The following PIEZO1 variants were observed in gnomAD, a reference collection of about 807,000 sequenced individuals.
PIEZO1 encodes piezo type mechanosensitive ion channel component 1 (Er blood group), also known as piezo-type mechanosensitive ion channel component 1.
A neutral mutation model predicts 297.2 loss-of-function variants in PIEZO1; 296 were observed. That is an observed-to-expected ratio of 1.00 (90% CI 0.91 to 1.10). PIEZO1 has a LOEUF of 1.10. Ranked by LOEUF, PIEZO1 falls within the 50% of genes least tolerant of loss-of-function variation. The probability of loss-of-function intolerance (pLI) is 0.00; values close to 1 mark genes in which losing one functional copy is unlikely to be tolerated. For synonymous variants in PIEZO1, 2,427 were observed against 1,507.5 expected (o/e 1.61, Z -14.13); for missense variants, 5,018 against 3,455.5 (o/e 1.45, Z -11.34).
chr16:88,768,147 G>A (rs1402912429), intron 1 of PIEZO1, among the ~76,000 whole-genome samples: 4 of 152,166 alleles, frequency 2.6e-5, no homozygotes, highest in East Asian at 1.9e-4. Flanking sequence ...CCAACCTCAC[G>A]GGCCCAACCT....
At position 88,715,362 on chromosome 16, in the gene PIEZO1, A is replaced by C; in HGVS notation, c.*243T>G. ...CTCTGATTGTCCATTTGTATAAATA[A>C]AACATTTTTTAATTAAAAAAAAAAC... On this transcript the variant is annotated 3_prime_UTR_variant, in exon 51 of 51. Coordinates refer to ENST00000301015, the MANE Select transcript of PIEZO1 (RefSeq NM_001142864.4). 2 of 1,237,954 alleles carry C rather than the reference A, an allele frequency of 1.6e-6. No homozygotes were observed. Among genetic ancestry groups the C allele is most frequent in the Non-Finnish European group, 2.2e-6 (2 of 904,662 alleles). 76.7% of individuals were successfully genotyped at this position (1,237,954 alleles called of 1,614,324 possible). A position where few individuals can be genotyped will look rare whatever the true frequency, so the allele number is the denominator to read the frequency against.
chr16:88,749,047 C>T (rs941341576), intron 2 of PIEZO1, among the ~76,000 whole-genome samples: 10 of 150,708 alleles, frequency 6.6e-5, no homozygotes, highest in African/African-American at 4.9e-5. Flanking sequence ...ACCATCCTGG[C>T]TATCACGGTG....
In PIEZO1 at chr16:88,732,571, T is replaced by C. The variant is rs1904933602; in HGVS notation, c.2790+36A>G. On this transcript the variant is annotated intron_variant, in intron 20 of 50. Coordinates refer to ENST00000301015, the MANE Select transcript of PIEZO1 (RefSeq NM_001142864.4). ...CAAGGGTCAGGGGGCAGCCGGGTACTCGCCCGCCCAGCCGCCCACCAGCCC... is the reference window on the plus strand; with the variant it reads ...CAAGGGTCAGGGGGCAGCCGGGTACCCGCCCGCCCAGCCGCCCACCAGCCC... 4 of 1,543,044 alleles carry C rather than the reference T, an allele frequency of 2.6e-6. No individual in the cohort carries two copies. The South Asian group carries it at 4.8e-5, about 18-fold the overall frequency.
At chr16:88,731,270 C>T in intron 22 of PIEZO1, 1 of 204,162 alleles carries the variant, frequency 4.9e-6, no homozygotes, top group Non-Finnish European at 1.0e-5. Flanking sequence ...ATGCAGAGGA[C>T]ACGTTTGACG....
At chr16:88,776,396 T>C (rs1444756343) in intron 1 of PIEZO1, among the ~76,000 whole-genome samples, 1 of 151,566 alleles carries the variant, frequency 6.6e-6, no homozygotes, top group East Asian at 1.9e-4. Flanking sequence ...ACTGGGCCAC[T>C]GCACTCCAGC....
intron 1 of PIEZO1, among the ~76,000 whole-genome samples, chr16:88,767,077 C>G (rs1907212986): frequency 6.6e-6 from 1 of 152,258 alleles, no homozygotes; most frequent in Non-Finnish European, 1.5e-5. Flanking sequence ...GCTTTCCCAT[C>G]AGCTTCTCCG....
rs1905209483 is a variant in PIEZO1, at chr16:88,736,289, C to G, written c.1416G>C (p.Leu472=). 1 of 1,550,112 alleles carries G rather than the reference C, an allele frequency of 6.5e-7. No individual in the cohort carries two copies. The highest frequency in any genetic ancestry group is 2.4e-5 in the East Asian group (1 of 40,928). Residue 472 remains leucine (L), a synonymous_variant, in exon 12 of 51, where the codon CTG becomes CTC. Transcript: ENST00000301015. ...GTAGGCAGCACAGCGTCATCCCATACAGCAGGATGCAGGGCGAGCACAGCA... is the reference window on the plus strand; with the variant it reads ...GTAGGCAGCACAGCGTCATCCCATAGAGCAGGATGCAGGGCGAGCACAGCA... ...LAMLCSPCIL[L]YGMTLCCLRY...
chr16:88,720,974 C>T (rs1912395163), intron 39 of PIEZO1, among the ~76,000 whole-genome samples, 192 bp downstream of exon 39: 1 of 152,144 alleles, frequency 6.6e-6, no homozygotes, highest in African/African-American at 2.4e-5. Flanking sequence ...ACGTGGGGAG[C>T]ATCCCCGGGG....
chr16:88,756,867 G>A (rs1055743190), intron 1 of PIEZO1, among the ~76,000 whole-genome samples: 2 of 152,124 alleles, frequency 1.3e-5, no homozygotes, highest in Non-Finnish European at 1.5e-5. Context: ...AGAAGGTCAG[G>A]AGATCGAGAC....
rs1394250891 is a variant in PIEZO1 at position 88,741,314 on chromosome 16, G to C, written c.465+164C>G. On this transcript the variant is annotated intron_variant, in intron 5 of 50. Coordinates refer to ENST00000301015, the MANE Select transcript of PIEZO1 (RefSeq NM_001142864.4). ...CAGGTCTGAACGGATGGAACTGCAG[G>C]CTGGGCCCCGGGGTGGGATTTGGAA... The C allele has an allele frequency of 1.3e-5, 8 of 637,776 alleles. No homozygotes were observed. In the South Asian group the frequency reaches 1.6e-4, roughly 13 times the overall value. The allele number at this position is 637,776 out of a possible 1,614,324, so 39.5% of individuals were successfully genotyped here. A position where few individuals can be genotyped will look rare whatever the true frequency, so the allele number is the denominator to read the frequency against.
At chr16:88,748,445 G>A (rs1184492154) in intron 2 of PIEZO1, among the ~76,000 whole-genome samples, 1 of 67,374 alleles carries the variant, frequency 1.5e-5, no homozygotes, top group African/African-American at 5.5e-5. Flanking sequence ...CACAGTCCTG[G>A]CCCAGCTCAG....
intron 5 of PIEZO1, chr16:88,739,249 G>GTCT (rs1905471894): frequency 6.5e-6 from 1 of 154,142 alleles, no homozygotes; most frequent in African/African-American, 2.4e-5. Context: ...CCAAGCCTCT[G>GTCT]GGGGGACAGA....
In PIEZO1 at chr16:88,715,784, A is replaced by C. The variant is rs780322188; in HGVS notation, c.7387T>G (p.Ser2463Ala). The change falls in exon 51 of 51, where the codon TCG (serine) becomes GCG (alanine). Residue 2463 changes from serine to alanine, a missense_variant. By Grantham distance (99) the Ser-to-Ala change is moderately conservative. Transcript: ENST00000301015. ...KFVRGFFSEI[S>A]HSIMFEELPC... The stretch of plus-strand genomic sequence containing the variant: ...AGCTCCTCGAACATAATGGAGTGCG[A>C]GATCTCGCTGAAGAATCCGCGCACG... 2 of 1,550,230 alleles carry C rather than the reference A, an allele frequency of 1.3e-6. No homozygotes were observed. Among genetic ancestry groups the C allele is most frequent in the African/African-American group, 1.4e-5 (1 of 73,052 alleles).
chr16:88,755,282 C>G (rs1225404075), intron 1 of PIEZO1, among the ~76,000 whole-genome samples: 1 of 152,232 alleles, frequency 6.6e-6, no homozygotes, highest in Non-Finnish European at 1.5e-5. Context: ...TGCTAATCTG[C>G]TGATTAACCC....
Position 88,722,262 on chromosome 16 carries a change from C to G in PIEZO1, c.4911G>C (p.Leu1637=), listed in dbSNP as rs1183806014. Residue 1637 remains leucine, a synonymous_variant, in exon 36 of 51, where the codon CTG becomes CTC. Coordinates refer to ENST00000301015, the MANE Select transcript of PIEZO1 (RefSeq NM_001142864.4). ...TGGCCGTCCGCATCAGTCCCTGGTA[C>G]AGAGAGGCACCAGCCTCACGCTCCC... ...DPGEREAGAS[L]YQGLMRTASE... is the part of the protein sequence containing the mutation. 2 of 1,548,426 alleles carry G rather than the reference C, an allele frequency of 1.3e-6. No individual in the cohort carries two copies. Among genetic ancestry groups the G allele is most frequent in the Non-Finnish European group, 8.7e-7 (1 of 1,146,816 alleles).
At chr16:88,757,814 G>A (rs1217375121) in intron 1 of PIEZO1, among the ~76,000 whole-genome samples, 6 of 152,178 alleles carry the variant, frequency 3.9e-5, no homozygotes, top group Admixed American at 3.9e-4. Context: ...ACTGAGCCCA[G>A]CATGGCCCAG....
rs956273288 is a variant in PIEZO1 at position 88,717,185 on chromosome 16, C to T, written c.6498G>A (p.Lys2166=). The change falls in exon 45 of 51, where the codon AAG becomes AAA. Residue 2166 remains lysine (K), a synonymous_variant. Coordinates refer to ENST00000301015, the MANE Select transcript of PIEZO1 (RefSeq NM_001142864.4). The part of the protein sequence containing the change: ...EKKYPQPKGQ[K]KKKIVKYGMG... ...TGCCGTACTTGACGATCTTCTTCTT[C>T]TTCTGCCCTTTGGGCTGCGGGTATT... The T allele has an allele frequency of 3.9e-6, 6 of 1,550,144 alleles. No homozygotes were observed. The highest frequency in any genetic ancestry group is 4.4e-6 in the Non-Finnish European group (5 of 1,147,064).
chr16:88,720,289 G>A lies in PIEZO1; in HGVS notation c.5950-6C>T, dbSNP rs1356556233. ...TCTGTGGCCGCCGAGTGCTTCTGTG[G>A]CCAGGAGAGCACAGGTCAGGGGGAG... On this transcript the variant is annotated splice_polypyrimidine_tract_variant and splice_region_variant and intron_variant, in intron 41 of 50. Coordinates refer to ENST00000301015, the MANE Select transcript of PIEZO1 (RefSeq NM_001142864.4). 1.9e-5 allele frequency: 29 copies of A among 1,550,184 alleles called. No homozygotes were observed. Among genetic ancestry groups the A allele is most frequent in the Non-Finnish European group, 2.3e-5 (26 of 1,146,950 alleles).
chr16:88,760,185 G>A (rs555323266), intron 1 of PIEZO1, among the ~76,000 whole-genome samples: 79 of 151,730 alleles, frequency 5.2e-4, no homozygotes, highest in Non-Finnish European at 9.4e-4. Flanking sequence ...CAGTGACCCC[G>A]GCCGTGGCTA....
Sources: allele counts gnomAD v4.1 joint callset (sites outside exome capture counted in the v4.1 genomes callset), GRCh38; gene constraint gnomAD v4.1.1; transcripts MANE v1.5; gene names NCBI Gene and HGNC (gene_info 2026-07-23, HGNC 2026-07-21).